CFI: variants seen among roughly 807,000 people sequenced by gnomAD.
CFI encodes the protein complement factor I.
A neutral mutation model predicts 78.8 loss-of-function variants in CFI; 66 were observed. The observed-to-expected ratio is 0.84, with a 90% CI of 0.69 to 1.03. The LOEUF is 1.03. Ranked by LOEUF, CFI falls within the 50% of genes least tolerant of loss-of-function variation. The probability of loss-of-function intolerance (pLI) is 0.00; values close to 1 mark genes in which losing one functional copy is unlikely to be tolerated. For synonymous variants in CFI, 250 were observed against 232.6 expected (o/e 1.07, Z -0.68); for missense variants, 706 against 704.5 (o/e 1.00, Z -0.02).
At chr4:109,756,360 G>C (rs529985341) in intron 7 of CFI, among the ~76,000 whole-genome samples, 63 of 142,302 alleles carry the variant, frequency 4.4e-4, no homozygotes, top group African/African-American at 1.5e-3. Flanking sequence ...GAAGCAGCAG[G>C]AGGAGGAGGA....
chr4:109,765,789 G>C (rs960970854), intron 2 of CFI, among the ~76,000 whole-genome samples: 26 of 151,884 alleles, frequency 1.7e-4, no homozygotes, highest in African/African-American at 5.8e-4. Flanking sequence ...GGTCAGGGCT[G>C]GGGGAGAGGG....
intron 1 of CFI, among the ~76,000 whole-genome samples, chr4:109,785,480 T>C (rs6847237): frequency 0.067 from 10,151 of 152,006 alleles, 629 homozygotes; most frequent in African/African-American, 0.15. Context: ...GGAGCACATA[T>C]TCAGAAATTT....
intron 1 of CFI, among the ~76,000 whole-genome samples, chr4:109,784,681 C>A (rs1043772918): frequency 3.3e-5 from 5 of 152,222 alleles, no homozygotes; most frequent in African/African-American, 1.2e-4. Context: ...TCAGATATGA[C>A]AAGAAGTCAG....
chr4:109,747,065 G>T (rs1724566334), intron 10 of CFI, among the ~76,000 whole-genome samples: 1 of 152,170 alleles, frequency 6.6e-6, no homozygotes, highest in South Asian at 2.1e-4. Context: ...TGCAGCCCTG[G>T]TGCCTACTAT....
intron 7 of CFI, among the ~76,000 whole-genome samples, chr4:109,753,035 TA>T (rs1240451676): frequency 2.3e-5 from 2 of 86,350 alleles, no homozygotes; most frequent in Admixed American, 4.3e-4. Flanking sequence ...TAAATATTTA[TA>T]ATATATATTT....
At chr4:109,750,709 C>T (rs72888476) in intron 8 of CFI, among the ~76,000 whole-genome samples, 2,426 of 152,178 alleles carry the variant, frequency 0.016, 63 homozygotes, top group African/African-American at 0.056. Flanking sequence ...TGTAAACTTG[C>T]TTCTTAGCCC....
In CFI at chr4:109,754,006, C is replaced by T. The variant is rs565830819; in HGVS notation, c.905-1503G>A. On this transcript the variant is annotated intron_variant, in intron 7 of 12. Coordinates refer to ENST00000394634, the MANE Select transcript of CFI (RefSeq NM_000204.5). ...AAATATATATATATATATTTTGAGA[C>T]GGAGTCTCACTCTGTTGCCCAGACT... Among the ~76,000 whole-genome samples, 56 of 148,370 alleles carry T rather than the reference C, an allele frequency of 3.8e-4. 1 individual carries two copies. Among genetic ancestry groups the T allele is most frequent in the African/African-American group, 9.9e-4 (40 of 40,276 alleles).
rs921560623 is a variant in CFI, at chr4:109,801,814, T to C, written c.57+101A>G. The C allele has an allele frequency of 5.2e-6, 4 of 772,416 alleles. No homozygotes were observed. In the African/African-American group the frequency reaches 7.0e-5, roughly 14 times the overall value. The allele number at this position is 772,416 out of a possible 1,614,324, so 47.8% of individuals were successfully genotyped here. On this transcript the variant is annotated intron_variant, in intron 1 of 12. Transcript: ENST00000394634. ...GTGGCATTGTTGTAACTGAACTATG[T>C]AATATTTAAATCAAAATTATATATT...
At chr4:109,739,519 A>G (rs1723584385), downstream of CFI, among the ~76,000 whole-genome samples, 1 of 152,298 alleles carries the variant, frequency 6.6e-6, no homozygotes, top group South Asian at 2.1e-4. Flanking sequence ...CTGGGCACCT[A>G]CAATAGCCTT....
chr4:109,749,187 A>T, intron 10 of CFI, 31 bp downstream of exon 10: 1 of 1,569,226 alleles, frequency 6.4e-7, no homozygotes, highest in Non-Finnish European at 8.8e-7. Context: ...TTGTTTCGGG[A>T]AATCTAAAAT....
intron 1 of CFI, among the ~76,000 whole-genome samples, chr4:109,769,557 G>A (rs1372606174): frequency 6.6e-6 from 1 of 152,154 alleles, no homozygotes; most frequent in African/African-American, 2.4e-5. Context: ...GGCAAGGTGG[G>A]GGTTAGAGCC....
intron 1 of CFI, among the ~76,000 whole-genome samples, chr4:109,777,274 G>C (rs1018554465): frequency 6.6e-6 from 1 of 152,110 alleles, no homozygotes; most frequent in African/African-American, 2.4e-5. Context: ...AAGGGATGGA[G>C]GAAGATCTAC....
At position 109,781,085 on chromosome 4, in the gene CFI, A is replaced by G. The variant is rs142004987; in HGVS notation, c.58-14261T>C. On this transcript the variant is annotated intron_variant, in intron 1 of 12. Coordinates refer to ENST00000394634, the MANE Select transcript of CFI (RefSeq NM_000204.5). ...CGTGTGCAGCACACCAACATGGCAC[A>G]TGTATACATATGTAACAAAACTGCA... Among the ~76,000 whole-genome samples, 1,427 of 152,284 alleles carry G rather than the reference A, an allele frequency of 9.4e-3. 65 individuals carry two copies. In the East Asian group the frequency reaches 0.13, roughly 14 times the overall value.
chr4:109,783,809 T>G (rs1451395441), intron 1 of CFI, among the ~76,000 whole-genome samples: 9 of 101,094 alleles, frequency 8.9e-5, no homozygotes, highest in African/African-American at 4.0e-4. Flanking sequence ...ATAAAGAAAC[T>G]GTGATATATA....
chr4:109,790,632 TC>T, intron 1 of CFI, among the ~76,000 whole-genome samples: 1 of 152,130 alleles, frequency 6.6e-6, no homozygotes, highest in Non-Finnish European at 1.5e-5. Context: ...GATAGGCCCC[TC>T]TATGTGTCTA....
rs1470214118 is a variant in CFI, at chr4:109,764,638, A to G, written c.381T>C (p.Val127=). ...KHGNTDSEGI[V]EVKLVDQDKT... Reference sequence around the variant, plus strand: ...TATCTTGGTCCACAAGTTTTACTTCAACTATTCCCTCTGAATCTGTATTTC... The same window carrying G: ...TATCTTGGTCCACAAGTTTTACTTCGACTATTCCCTCTGAATCTGTATTTC... The change falls in exon 3 of 13, where the codon GTT becomes GTC. Residue 127 remains valine (V), a synonymous_variant. Transcript: ENST00000394634. The G allele has an allele frequency of 1.2e-6, 2 of 1,614,104 alleles. No individual in the cohort carries two copies. Among genetic ancestry groups the G allele is most frequent in the Non-Finnish European group, 1.7e-6 (2 of 1,179,994 alleles).
At chr4:109,757,215 T>C (rs935761831) in intron 7 of CFI, among the ~76,000 whole-genome samples, 1 of 151,790 alleles carries the variant, frequency 6.6e-6, no homozygotes, top group Non-Finnish European at 1.5e-5. Flanking sequence ...TTTGTATTTT[T>C]AGTAGAGATG....
chr4:109,742,464 A>C, intron 12 of CFI, 27 bp downstream of exon 12: 116 of 1,394,488 alleles, frequency 8.3e-5, no homozygotes, highest in Non-Finnish European at 1.1e-4. Flanking sequence ...ACATCTTGAC[A>C]TCTTGGATAA....
At position 109,761,505 on chromosome 4, in the gene CFI, T is replaced by C; in HGVS notation, c.658+12A>G. On this transcript the variant is annotated intron_variant, in intron 4 of 12. Coordinates refer to ENST00000394634, the MANE Select transcript of CFI (RefSeq NM_000204.5). The stretch of plus-strand genomic sequence containing the variant: ...CAAGGAAGGGAAAATAACAGGCAAA[T>C]ACTCCACCAACCTGCTTTCTGTGTA... The C allele has an allele frequency of 7.4e-6, 12 of 1,613,698 alleles. No individual in the cohort carries two copies. Among genetic ancestry groups the C allele is most frequent in the Non-Finnish European group, 9.3e-6 (11 of 1,179,662 alleles).
Sources: gnomAD v4.1 joint callset for allele counts (sites outside exome capture counted in the v4.1 genomes callset) on GRCh38, gnomAD v4.1.1 for gene constraint, MANE v1.5 for transcripts, NCBI Gene and HGNC (gene_info 2026-07-23, HGNC 2026-07-21) for gene names.